Variants in WBP2NL observed in about 807,000 individuals in gnomAD.
The protein encoded by WBP2NL is WBP2 N-terminal like.
WBP2NL carries 27 observed loss-of-function variants against 23.3 expected under a neutral mutation model. The observed-to-expected ratio is 1.16, with a 90% CI of 0.85 to 1.60. The LOEUF (loss-of-function observed/expected upper bound fraction) is 1.60. WBP2NL is among the 40% of genes most tolerant of loss of function. The pLI is 0.00. For missense variants in WBP2NL, 370 were observed against 389.5 expected, an observed-to-expected ratio of 0.95 and a Z score of 0.42; for synonymous variants, 151 against 145.9, an observed-to-expected ratio of 1.03 and a Z score of -0.25.
At chr22:42,016,277 G>A (rs1022723692) in intron 1 of WBP2NL, among the ~76,000 whole-genome samples, 15 of 152,070 alleles carry the variant, frequency 9.9e-5, no homozygotes, top group Non-Finnish European at 2.9e-5. Flanking sequence ...CACCGGACCC[G>A]GCCGGAAATG....
chr22:42,019,836 T>G lies in WBP2NL; in HGVS notation c.313+33T>G, dbSNP rs768991632. On this transcript the variant is annotated intron_variant, in intron 3 of 5. Transcript: ENST00000328823. ...TTCCCTCAGAAGTGTGTATTTTTTT[T>G]TCCCTCAAAATCTTCTAAAAGGTTT... The G allele has an allele frequency of 8.1e-6, 13 of 1,609,418 alleles. No individual in the cohort carries two copies. The African/African-American group carries it at 9.4e-5, about 12-fold the overall frequency.
At chr22:42,056,865 T>C (rs1448176108) in intron 8 of WBP2NL, among the ~76,000 whole-genome samples, 2 of 152,162 alleles carry the variant, frequency 1.3e-5, no homozygotes, top group African/African-American at 4.8e-5. Flanking sequence ...CCAATTATAC[T>C]TAGTTATTTT....
chr22:42,004,039 A>C (rs1474239014), intron 1 of WBP2NL, among the ~76,000 whole-genome samples: 4 of 152,244 alleles, frequency 2.6e-5, no homozygotes, highest in Non-Finnish European at 5.9e-5. Flanking sequence ...TGGGAGGCCG[A>C]GGCAGGTGGG....
At chr22:42,016,563 T>C (rs756656449) in intron 1 of WBP2NL, among the ~76,000 whole-genome samples, 3 of 152,210 alleles carry the variant, frequency 2.0e-5, no homozygotes, top group African/African-American at 7.2e-5. Context: ...TTAAAAAAAT[T>C]ACTTAAGCAT....
At chr22:42,053,936 G>A (rs978545040) in intron 8 of WBP2NL, among the ~76,000 whole-genome samples, 4 of 151,854 alleles carry the variant, frequency 2.6e-5, no homozygotes, top group African/African-American at 7.3e-5. Context: ...CCCATCCTGC[G>A]AGTTGTCTTT....
At chr22:42,020,889 TATATATATATATATATA>T (rs1923874140) in intron 4 of WBP2NL, among the ~76,000 whole-genome samples, 2 of 65,610 alleles carry the variant, frequency 3.0e-5, no homozygotes, top group African/African-American at 6.1e-5. Context: ...TATATATATA[TATATATATATATATATA>T]TATTTTTTTT....
chr22:42,019,589 C>T (rs1923691267), intron 2 of WBP2NL, 73 bp from the exon 3 acceptor site: 1 of 1,590,872 alleles, frequency 6.3e-7, no homozygotes, highest in South Asian at 1.1e-5. Flanking sequence ...GACCAGAATG[C>T]ACCTTGCTCT....
chr22:42,046,830 C>T (rs1925606129), intron 8 of WBP2NL, among the ~76,000 whole-genome samples: 1 of 152,114 alleles, frequency 6.6e-6, no homozygotes, highest in Non-Finnish European at 1.5e-5. Flanking sequence ...GTGCTAATGT[C>T]TAATATAATT....
At chr22:42,040,690 G>A (rs1056527275) in intron 8 of WBP2NL, among the ~76,000 whole-genome samples, 1 of 152,200 alleles carries the variant, frequency 6.6e-6, no homozygotes, top group Non-Finnish European at 1.5e-5. Context: ...GTTCAAGAGT[G>A]TATTGTTTTT....
chr22:42,057,623 T>A (rs1926091452), intron 8 of WBP2NL, among the ~76,000 whole-genome samples: 1 of 151,124 alleles, frequency 6.6e-6, no homozygotes, highest in Non-Finnish European at 1.5e-5. Flanking sequence ...TCTGTGAAAG[T>A]TGATTTTGAT....
At chr22:42,041,281 A>G (rs1335057059) in intron 8 of WBP2NL, among the ~76,000 whole-genome samples, 1 of 152,100 alleles carries the variant, frequency 6.6e-6, no homozygotes, top group Non-Finnish European at 1.5e-5. Flanking sequence ...CAAGAGAGCG[A>G]GACCATCCTG....
At chr22:41,998,968 G>A in intron 1 of WBP2NL, 88 bp downstream of exon 1, 2 of 1,457,108 alleles carry the variant, frequency 1.4e-6, no homozygotes, top group Non-Finnish European at 1.8e-6. Flanking sequence ...GCGAGTCAGG[G>A]ACTTTGCCGC....
intron 5 of WBP2NL, among the ~76,000 whole-genome samples, chr22:42,024,507 A>T (rs962776126): frequency 1.6e-4 from 21 of 134,680 alleles, no homozygotes; most frequent in African/African-American, 3.2e-4. Flanking sequence ...CCTTTTTTTA[A>T]AAAAAAAAAT....
chr22:42,026,851 C>G lies in WBP2NL; in HGVS notation c.600C>G (p.Pro200=). The change falls in exon 6 of 6, where the codon CCC becomes CCG. Residue 200 remains proline (P), a synonymous_variant. Coordinates refer to ENST00000328823, the MANE Select transcript of WBP2NL (RefSeq NM_152613.3). ...GAPPAGYGAQ[P]VGNEGPPVGY... is the part of the protein sequence containing the mutation. The stretch of plus-strand genomic sequence containing the variant: ...CACCTGCAGGATATGGAGCCCAACC[C>G]GTAGGAAATGAAGGCCCGCCTGTGG... 2 of 1,591,970 alleles carry G rather than the reference C, an allele frequency of 1.3e-6. No homozygotes were observed. Among genetic ancestry groups the G allele is most frequent in the Non-Finnish European group, 1.7e-6 (2 of 1,171,446 alleles).
At chr22:42,049,765 A>C (rs534214884) in intron 8 of WBP2NL, among the ~76,000 whole-genome samples, 22 of 151,316 alleles carry the variant, frequency 1.5e-4, no homozygotes, top group Non-Finnish European at 3.2e-4. Flanking sequence ...GAGTCTTTAG[A>C]AACAACATCA....
At chr22:42,008,121 G>GCTTTGCTTTGCTTTGCTTTC (rs1569446628) in intron 1 of WBP2NL, among the ~76,000 whole-genome samples, 1 of 53,820 alleles carries the variant, frequency 1.9e-5, no homozygotes, top group African/African-American at 5.9e-5. Context: ...CCTTTCCTTT[G>GCTTTGCTTTGCTTTGCTTTC]CTTTCCTTTC....
chr22:41,999,651 C>G (rs1009048544), intron 1 of WBP2NL, among the ~76,000 whole-genome samples: 2 of 152,202 alleles, frequency 1.3e-5, no homozygotes, highest in South Asian at 4.1e-4. Flanking sequence ...ACCCATAATC[C>G]CAGCTGCTTG....
At chr22:42,049,718 A>C (rs1383926081) in intron 8 of WBP2NL, among the ~76,000 whole-genome samples, 4 of 147,914 alleles carry the variant, frequency 2.7e-5, no homozygotes, top group South Asian at 4.3e-4. Context: ...AAAAAAAAAA[A>C]AAAAAAAAAA....
chr22:42,019,858 G>A, intron 3 of WBP2NL, 55 bp downstream of exon 3: 1 of 1,606,538 alleles, frequency 6.2e-7, no homozygotes, highest in Non-Finnish European at 8.5e-7. Context: ...CTTCTAAAAG[G>A]TTTAAGATTC....
Sources: gnomAD v4.1 joint callset for allele counts (sites outside exome capture counted in the v4.1 genomes callset) on GRCh38, gnomAD v4.1.1 for gene constraint, MANE v1.5 for transcripts, NCBI Gene and HGNC (gene_info 2026-07-23, HGNC 2026-07-21) for gene names.